CORIN: variants seen among roughly 807,000 people sequenced by gnomAD.
The protein encoded by CORIN is corin, serine peptidase, also known as atrial natriuretic peptide-converting enzyme.
Under a neutral mutation model 125.3 loss-of-function variants are expected in CORIN, and 117 were observed. The ratio of observed to expected loss-of-function variants is 0.93; its 90% CI spans 0.80 to 1.09. The LOEUF is 1.09. Among genes scored for constraint, CORIN ranks in the 50% least tolerant of loss-of-function variants. The pLI, the probability that CORIN is intolerant of heterozygous loss-of-function variation, is 0.00. For missense variants in CORIN, 1,253 were observed against 1,306.7 expected (o/e 0.96, Z 0.63); for synonymous variants, 450 against 466.4 (o/e 0.96, Z 0.45).
At chr4:47,639,085 C>CA (rs1723138240) in intron 16 of CORIN, among the ~76,000 whole-genome samples, 2 of 152,118 alleles carry the variant, frequency 1.3e-5, no homozygotes, top group African/African-American at 4.8e-5. Context: ...AAATTCCCTC[C>CA]AAAATATACC....
In CORIN at chr4:47,626,274, T is replaced by C. The variant is rs956728970; in HGVS notation, c.2315+131A>G. 31 of 644,316 alleles carry C rather than the reference T, an allele frequency of 4.8e-5. No homozygotes were observed. In the African/African-American group the frequency reaches 4.8e-4, roughly 10 times the overall value. The allele number at this position is 644,316 out of a possible 1,614,324, so 39.9% of individuals were successfully genotyped here. ...CAATGTTGAAATGTAAAGGCAATAG[T>C]AAATCTATGGAAACTCTTTACTGAT... On this transcript the variant is annotated intron_variant, in intron 17 of 21. Coordinates refer to ENST00000273857, the MANE Select transcript of CORIN (RefSeq NM_006587.4).
chr4:47,684,964 C>T (rs1725447491), intron 6 of CORIN, among the ~76,000 whole-genome samples: 1 of 151,968 alleles, frequency 6.6e-6, no homozygotes, highest in Non-Finnish European at 1.5e-5. Context: ...ATTAAAACCA[C>T]AAGAAGATAT....
intron 10 of CORIN, among the ~76,000 whole-genome samples, chr4:47,668,452 A>G (rs1369871755): frequency 6.6e-6 from 1 of 152,134 alleles, no homozygotes; most frequent in East Asian, 1.9e-4. Flanking sequence ...CATTCCTATC[A>G]CCCTTCAATT....
At chr4:47,712,140 G>A (rs572520043) in intron 5 of CORIN, among the ~76,000 whole-genome samples, 2 of 152,040 alleles carry the variant, frequency 1.3e-5, no homozygotes, top group African/African-American at 2.4e-5. Context: ...TACCAAATGA[G>A]CTTTCAATCA....
rs1450864943 is a variant in CORIN at position 47,763,294 on chromosome 4, G to A, written c.617+85C>T. On this transcript the variant is annotated intron_variant, in intron 4 of 21. Coordinates refer to ENST00000273857, the MANE Select transcript of CORIN (RefSeq NM_006587.4). Reference sequence around the variant, plus strand: ...TGGCTAATAACAACCAAAATAAAAGGGAGTCATTTGGATAATTTTTTTTCT... The same window carrying A: ...TGGCTAATAACAACCAAAATAAAAGAGAGTCATTTGGATAATTTTTTTTCT... 4.0e-6 allele frequency: 4 copies of A among 999,608 alleles called. No homozygotes were observed. The African/African-American group carries it at 6.5e-5, about 16-fold the overall frequency. 61.9% of individuals were successfully genotyped at this position (999,608 alleles called of 1,614,324 possible).
At chr4:47,626,587 A>G in intron 16 of CORIN, 66 bp from the exon 17 acceptor site, 2 of 959,302 alleles carry the variant, frequency 2.1e-6, no homozygotes, top group South Asian at 1.3e-5. Flanking sequence ...CATTATCATT[A>G]TTTAGCACTC....
chr4:47,656,538 A>G (rs1723990055), intron 12 of CORIN, among the ~76,000 whole-genome samples: 1 of 152,224 alleles, frequency 6.6e-6, no homozygotes, highest in Non-Finnish European at 1.5e-5. Flanking sequence ...AAGGACAAAA[A>G]TCATATGATC....
At position 47,786,763 on chromosome 4, in the gene CORIN, T is replaced by C; in HGVS notation, c.371A>G (p.Asp124Gly). The C allele has an allele frequency of 6.2e-7, 1 of 1,614,114 alleles. No individual in the cohort carries two copies. The change falls in exon 3 of 22, where the codon GAT becomes GGT. Residue 124 changes from aspartate to glycine, a missense_variant. Transcript: ENST00000273857. ...PDQHVPAWTT[D>G]ASLPGDQSHR... is the part of the protein sequence containing the mutation. The stretch of plus-strand genomic sequence containing the variant: ...ACTTTGGTCCCCTGGGAGAGAAGCA[T>C]CCGTAGTCCAGGCTGGAACGTGTTG...
chr4:47,675,963 T>A (rs764118050), intron 9 of CORIN, among the ~76,000 whole-genome samples: 28 of 152,144 alleles, frequency 1.8e-4, no homozygotes, highest in Non-Finnish European at 3.4e-4. Flanking sequence ...GAGGAAAGGA[T>A]GGGTTTCCCA....
chr4:47,594,421 A>G lies in CORIN; in HGVS notation c.*1300T>C, dbSNP rs1051099662. On this transcript the variant is annotated 3_prime_UTR_variant, in exon 22 of 22. Transcript: ENST00000273857. The stretch of plus-strand genomic sequence containing the variant: ...GGATGCCTGACTAATTAAATTAAGT[A>G]TATATGAAGATTTGTGTTTTAAAGT... 3.3e-5 allele frequency: 5 copies of G among 152,610 alleles called. No individual in the cohort carries two copies. Among genetic ancestry groups the G allele is most frequent in the Admixed American group, 6.6e-5 (1 of 15,256 alleles). 9.5% of individuals were successfully genotyped at this position (152,610 alleles called of 1,614,324 possible). A position where few individuals can be genotyped will look rare whatever the true frequency, so the allele number is the denominator to read the frequency against.
chr4:47,796,111 C>T (rs1731277684), intron 2 of CORIN, among the ~76,000 whole-genome samples: 1 of 152,034 alleles, frequency 6.6e-6, no homozygotes, highest in South Asian at 2.1e-4. Flanking sequence ...AATCCCACTT[C>T]TGGGTATACA....
intron 19 of CORIN, among the ~76,000 whole-genome samples, chr4:47,618,119 G>T (rs1049521837): frequency 1.3e-5 from 2 of 151,404 alleles, no homozygotes; most frequent in African/African-American, 4.9e-5. Flanking sequence ...TGGATCACTT[G>T]AGGTCAGGAG....
chr4:47,659,085 A>G (rs1307685191), intron 12 of CORIN, among the ~76,000 whole-genome samples: 1 of 152,230 alleles, frequency 6.6e-6, no homozygotes, highest in East Asian at 1.9e-4. Flanking sequence ...CTAACACAAG[A>G]TATGGGTGAA....
Position 47,623,765 on chromosome 4 carries a change from A to G in CORIN, c.2366-20T>C. On this transcript the variant is annotated intron_variant, in intron 18 of 21. Coordinates refer to ENST00000273857, the MANE Select transcript of CORIN (RefSeq NM_006587.4). ...CACAGTCTACCAAGGAGCAGAAGACACAGTTTGTGAGTTGATGCCAAACCT... is the reference window on the plus strand; with the variant it reads ...CACAGTCTACCAAGGAGCAGAAGACGCAGTTTGTGAGTTGATGCCAAACCT... 6.2e-7 allele frequency: 1 copy of G among 1,612,508 alleles called. No individual in the cohort carries two copies. Among genetic ancestry groups the G allele is most frequent in the Non-Finnish European group, 8.5e-7 (1 of 1,179,610 alleles).
In CORIN at chr4:47,645,083, C is replaced by T. The variant is rs1723406165; in HGVS notation, c.1955G>A (p.Cys652Tyr). The T allele has an allele frequency of 1.3e-6, 2 of 1,578,576 alleles. No individual in the cohort carries two copies. The highest frequency in any genetic ancestry group is 1.8e-5 in the Admixed American group (1 of 56,850). ...DCPDYMDEKNCSFCQDDELEC... is the reference protein window; with the variant it reads ...DCPDYMDEKNYSFCQDDELEC... ...GACAAATTCGCATAAGCACTTACAG[C>T]AGTTTTTCTCGTCCATGTAATCAGG... is the stretch of plus-strand genomic sequence containing the variant. The change falls in exon 14 of 22, where the codon TGC becomes TAC. Residue 652 changes from cysteine to tyrosine, a missense_variant and splice_region_variant. Coordinates refer to ENST00000273857, the MANE Select transcript of CORIN (RefSeq NM_006587.4).
intron 16 of CORIN, among the ~76,000 whole-genome samples, chr4:47,629,706 TG>T (rs1255134100): frequency 1.3e-5 from 2 of 152,164 alleles, no homozygotes; most frequent in African/African-American, 4.8e-5. Context: ...TTGTTCTGTG[TG>T]GTCTTGATAC....
chr4:47,623,822 C>G, intron 18 of CORIN, 77 bp from the exon 19 acceptor site: 1 of 1,607,398 alleles, frequency 6.2e-7, no homozygotes, highest in South Asian at 1.1e-5. Context: ...CTGTCACTTA[C>G]AAGCGATCAC....
At chr4:47,614,378 G>A (rs2109534008) in intron 19 of CORIN, among the ~76,000 whole-genome samples, 1 of 152,148 alleles carries the variant, frequency 6.6e-6, no homozygotes. Context: ...TCTATTTTCA[G>A]TAGAGATGCG....
chr4:47,665,331 C>A (rs1410883427), intron 10 of CORIN, 68 bp from the exon 11 acceptor site: 2 of 1,183,140 alleles, frequency 1.7e-6, no homozygotes, highest in East Asian at 4.9e-5. Context: ...TTAAGTTTTA[C>A]AAACTTGAAG....
Sources: gnomAD v4.1 joint callset for allele counts (sites outside exome capture counted in the v4.1 genomes callset) on GRCh38, gnomAD v4.1.1 for gene constraint, MANE v1.5 for transcripts, NCBI Gene and HGNC (gene_info 2026-07-23, HGNC 2026-07-21) for gene names.